The following FAM13C variants were observed in gnomAD, a reference collection of about 807,000 sequenced individuals.
FAM13C encodes family with sequence similarity 13 member C, also known as protein FAM13C.
Under a neutral mutation model 73.2 loss-of-function variants are expected in FAM13C, and 37 were observed. The ratio of observed to expected loss-of-function variants is 0.51; its 90% CI spans 0.39 to 0.67. FAM13C has a LOEUF of 0.67. FAM13C is among the 30% of genes least tolerant of loss of function. The pLI, the probability that FAM13C is intolerant of heterozygous loss-of-function variation, is 0.00. For synonymous variants in FAM13C, 246 were observed against 260.9 expected, an observed-to-expected ratio of 0.94 and a Z score of 0.55; for missense variants, 589 against 715.6, an observed-to-expected ratio of 0.82 and a Z score of 2.02.
intron 10 of FAM13C, among the ~76,000 whole-genome samples, chr10:59,256,553 G>A (rs1186249630): frequency 6.6e-6 from 1 of 152,108 alleles, no homozygotes; most frequent in Non-Finnish European, 1.5e-5. Context: ...TATTATTAAA[G>A]CAATCCCTGA....
At chr10:59,325,958 A>T (rs1220395358) in intron 3 of FAM13C, among the ~76,000 whole-genome samples, 3 of 152,172 alleles carry the variant, frequency 2.0e-5, no homozygotes, top group Non-Finnish European at 4.4e-5. Context: ...GCATTAAGAA[A>T]TGGCCCCTCT....
At chr10:59,298,173 C>T (rs538925161) in intron 5 of FAM13C, among the ~76,000 whole-genome samples, 19 of 152,110 alleles carry the variant, frequency 1.2e-4, no homozygotes, top group South Asian at 1.0e-3. Flanking sequence ...AGAGGATAAA[C>T]GATAGTGATG....
intron 2 of FAM13C, among the ~76,000 whole-genome samples, chr10:59,352,743 T>TA (rs1855230245): frequency 6.6e-6 from 1 of 152,240 alleles, no homozygotes; most frequent in Admixed American, 6.5e-5. Context: ...ATTATTTTTC[T>TA]AATTTTCACT....
At chr10:59,334,599 T>C (rs547473452) in intron 3 of FAM13C, among the ~76,000 whole-genome samples, 1 of 152,222 alleles carries the variant, frequency 6.6e-6, no homozygotes, top group East Asian at 1.9e-4. Flanking sequence ...TGAGTTCATG[T>C]CCTTTGTAGG....
At chr10:59,318,094 C>T (rs1849757654) in intron 4 of FAM13C, among the ~76,000 whole-genome samples, 3 of 151,862 alleles carry the variant, frequency 2.0e-5, no homozygotes, top group Admixed American at 2.0e-4. Flanking sequence ...GATAACAAGT[C>T]ATTTTTACAT....
intron 3 of FAM13C, among the ~76,000 whole-genome samples, chr10:59,343,010 T>A (rs1853710451): frequency 1.3e-5 from 2 of 152,214 alleles, no homozygotes; most frequent in Admixed American, 1.3e-4. Context: ...GATTGTTAAA[T>A]CCCCTTTCTT....
chr10:59,271,892 G>A (rs760308763), intron 6 of FAM13C, among the ~76,000 whole-genome samples: 10 of 152,118 alleles, frequency 6.6e-5, no homozygotes, highest in Non-Finnish European at 1.5e-4. Flanking sequence ...AAATGGAAAA[G>A]GTCTGAGACC....
chr10:59,292,080 G>A (rs918324504), intron 5 of FAM13C, among the ~76,000 whole-genome samples: 24 of 152,032 alleles, frequency 1.6e-4, no homozygotes, highest in African/African-American at 4.6e-4. Flanking sequence ...GAGCCACTGC[G>A]CCTGACCTAT....
intron 1 of FAM13C, among the ~76,000 whole-genome samples, chr10:59,356,843 G>T (rs1855770805): frequency 6.6e-6 from 1 of 152,306 alleles, no homozygotes; most frequent in East Asian, 1.9e-4. Context: ...ATCTGAGTAG[G>T]CACCATCTAA....
chr10:59,293,014 C>CATCTAGTA (rs767539460), intron 5 of FAM13C, among the ~76,000 whole-genome samples: 10 of 151,512 alleles, frequency 6.6e-5, no homozygotes, highest in Non-Finnish European at 1.2e-4. Flanking sequence ...CCCTTCCCAG[C>CATCTAGTA]ATCTAGTAAC....
chr10:59,339,607 C>T (rs953633619), intron 3 of FAM13C, among the ~76,000 whole-genome samples: 6 of 152,118 alleles, frequency 3.9e-5, no homozygotes. Context: ...CTTTACTCCC[C>T]TCAACTTACA....
At chr10:59,251,287 AAATT>A in intron 13 of FAM13C, 1 of 411,922 alleles carries the variant, frequency 2.4e-6, no homozygotes, top group Non-Finnish European at 4.3e-6. Flanking sequence ...AGGTTTAAAT[AAATT>A]CATTTATTTA....
chr10:59,274,091 T>C (rs1310201610), intron 6 of FAM13C, among the ~76,000 whole-genome samples: 1 of 152,076 alleles, frequency 6.6e-6, no homozygotes, highest in African/African-American at 2.4e-5. Context: ...AGCATGTCTG[T>C]GATTCTAATG....
chr10:59,253,809 T>C (rs1021460486), intron 11 of FAM13C: 3 of 152,376 alleles, frequency 2.0e-5, no homozygotes, highest in Admixed American at 6.5e-5. Flanking sequence ...TTTGTGATGC[T>C]TTTCTAGTTC....
intron 11 of FAM13C, chr10:59,254,134 T>G: frequency 2.5e-6 from 1 of 397,146 alleles, no homozygotes; most frequent in Non-Finnish European, 4.5e-6. Flanking sequence ...ACAAGTGCTA[T>G]ATGTTCCTAT....
At position 59,248,276 on chromosome 10, in the gene FAM13C, A is replaced by C. The variant is rs113342647; in HGVS notation, c.1635-539T>G. ...GTAATTATAATACCTATCTCTGCTA[A>C]TATATAGTAGAACCACTGAGCTGTT... On this transcript the variant is annotated intron_variant, in intron 13 of 13. Transcript: ENST00000618804. 1.4e-3 allele frequency among the ~76,000 whole-genome samples: 207 copies of C among 152,324 alleles called. 2 individuals are homozygous for C. The highest frequency in any genetic ancestry group is 4.7e-3 in the African/African-American group (194 of 41,578).
At chr10:59,360,921 TG>T in intron 1 of FAM13C, 1 of 654,972 alleles carries the variant, frequency 1.5e-6, no homozygotes, top group Non-Finnish European at 2.4e-6. Context: ...ATTTTGAACC[TG>T]CCGTGCCTGT....
At chr10:59,303,868 G>T (rs181854439) in intron 4 of FAM13C, among the ~76,000 whole-genome samples, 1 of 152,004 alleles carries the variant, frequency 6.6e-6, no homozygotes, top group Admixed American at 6.6e-5. Flanking sequence ...GTGTCTGTTC[G>T]GCCAGGCGCG....
chr10:59,251,477 T>C, intron 13 of FAM13C, 98 bp downstream of exon 13: 1 of 984,094 alleles, frequency 1.0e-6, no homozygotes, highest in South Asian at 1.3e-5. Flanking sequence ...TATATACATT[T>C]TGTAAAAAGT....
Sources: gnomAD v4.1 joint callset for allele counts (sites outside exome capture counted in the v4.1 genomes callset) on GRCh38, gnomAD v4.1.1 for gene constraint, MANE v1.5 for transcripts, NCBI Gene and HGNC (gene_info 2026-07-23, HGNC 2026-07-21) for gene names.